Variants in NHERF2 observed in about 807,000 individuals in gnomAD.
NHERF2 encodes the protein NHERF family PDZ scaffold protein 2.
the NHERF2 span, chr16:2,038,555 A>G: frequency 1.5e-5 from 5 of 339,888 alleles, no homozygotes; most frequent in Non-Finnish European, 2.8e-5. Context: ...CCCAGTGGCC[A>G]AGTTGGGGCG....
At chr16:2,030,618 CT>C in the NHERF2 span, among the ~76,000 whole-genome samples, 14,617 of 132,150 alleles carry the variant, frequency 0.11, 1,632 homozygotes, top group African/African-American at 0.34. Context: ...TCTCTCCTAC[CT>C]TTTTTTTTTT....
chr16:2,030,721 C>T, the NHERF2 span, among the ~76,000 whole-genome samples: 1 of 151,486 alleles, frequency 6.6e-6, no homozygotes, highest in Admixed American at 6.6e-5. Context: ...GGTGGATCAC[C>T]TGAGGTCAGG....
chr16:2,030,637 T>C, the NHERF2 span, among the ~76,000 whole-genome samples: 3 of 143,144 alleles, frequency 2.1e-5, no homozygotes, highest in Non-Finnish European at 3.0e-5. Context: ...TTTTTTTTTT[T>C]CATTTTCAAA....
At chr16:2,037,427 C>G in the NHERF2 span, 4 of 1,070,974 alleles carry the variant, frequency 3.7e-6, no homozygotes, top group Non-Finnish European at 5.6e-6. Flanking sequence ...CCCGAGGCCC[C>G]CTGCCGAGTG....
chr16:2,028,207 C>T, the NHERF2 span, among the ~76,000 whole-genome samples: 8 of 152,354 alleles, frequency 5.3e-5, no homozygotes, highest in African/African-American at 1.9e-4. Context: ...GTTGGTTCAG[C>T]TGGACCTGGA....
chr16:2,033,141 G>T, the NHERF2 span: 2 of 1,414,016 alleles, frequency 1.4e-6, no homozygotes, highest in South Asian at 1.5e-5. Flanking sequence ...AGCCTAGCTG[G>T]GTGGGGGGCG....
chr16:2,028,496 C>T, the NHERF2 span, among the ~76,000 whole-genome samples: 1 of 152,220 alleles, frequency 6.6e-6, no homozygotes, highest in South Asian at 2.1e-4. Flanking sequence ...ACTCTCCCCA[C>T]TGCCCCAGGA....
At chr16:2,033,352 A>G in the NHERF2 span, 1 of 1,533,144 alleles carries the variant, frequency 6.5e-7, no homozygotes, top group Non-Finnish European at 8.7e-7. Flanking sequence ...TGCCGCTGTC[A>G]TGGCACGCTC....
the NHERF2 span, chr16:2,038,322 G>A: frequency 5.8e-6 from 3 of 515,318 alleles, no homozygotes; most frequent in Non-Finnish European, 1.1e-5. Flanking sequence ...GGGGCCTGCT[G>A]ACTGAAAGGA....
chr16:2,036,469 G>C, the NHERF2 span: 2 of 1,600,762 alleles, frequency 1.2e-6, no homozygotes, highest in African/African-American at 1.3e-5. Context: ...CCTGCCGCCC[G>C]CTCTGGCCTC....
the NHERF2 span, among the ~76,000 whole-genome samples, chr16:2,030,244 C>T: frequency 1.3e-5 from 2 of 152,146 alleles, no homozygotes; most frequent in Non-Finnish European, 2.9e-5. Context: ...CCACAGGCAG[C>T]GCCGTGGTTG....
the NHERF2 span, chr16:2,033,194 C>G: frequency 6.8e-7 from 1 of 1,461,946 alleles, no homozygotes; most frequent in Non-Finnish European, 9.0e-7. Context: ...AGTCATCACC[C>G]TGCTCCCCAG....
At chr16:2,036,532 C>T in the NHERF2 span, 29 of 1,558,232 alleles carry the variant, frequency 1.9e-5, no homozygotes, top group South Asian at 4.7e-5. Context: ...TGCGGGGTGC[C>T]GAGTGCCCCG....
chr16:2,029,615 A>G, the NHERF2 span: 2 of 1,579,522 alleles, frequency 1.3e-6, no homozygotes, highest in Non-Finnish European at 1.7e-6. Context: ...GGAGGGGCAG[A>G]CTCGGCTGCT....
chr16:2,037,162 G>A, the NHERF2 span, among the ~76,000 whole-genome samples: 6 of 152,258 alleles, frequency 3.9e-5, no homozygotes, highest in South Asian at 4.1e-4. Context: ...ATCCTGGGTC[G>A]TGCCACACAC....
the NHERF2 span, chr16:2,035,984 C>T: frequency 4.3e-5 from 13 of 299,034 alleles, no homozygotes; most frequent in Non-Finnish European, 8.1e-5. Flanking sequence ...GGGACAACCG[C>T]CCCAGGAGGC....
the NHERF2 span, chr16:2,033,358 C>G: frequency 1.3e-6 from 2 of 1,533,132 alleles, no homozygotes; most frequent in Non-Finnish European, 1.7e-6. Context: ...TGTCATGGCA[C>G]GCTCCGGGAG....
chr16:2,033,432 G>C, the NHERF2 span: 2 of 1,523,682 alleles, frequency 1.3e-6, no homozygotes, highest in Admixed American at 2.0e-5. Context: ...GGCTGGTACA[G>C]GTCAGGTGGG....
At chr16:2,029,846 C>A in the NHERF2 span, 1 of 1,414,874 alleles carries the variant, frequency 7.1e-7, no homozygotes, top group Non-Finnish European at 9.7e-7. Context: ...CAGCTTTTGA[C>A]GACGATCTTT....
Sources: gnomAD v4.1 joint callset for allele counts (sites outside exome capture counted in the v4.1 genomes callset) on GRCh38, gnomAD v4.1.1 for gene constraint, MANE v1.5 for transcripts, NCBI Gene and HGNC (gene_info 2026-07-23, HGNC 2026-07-21) for gene names.